PLPP3: variants seen among roughly 807,000 people sequenced by gnomAD.
PLPP3 encodes the protein phospholipid phosphatase 3.
In PLPP3, 6 loss-of-function variants were observed where a neutral mutation model predicts 29.6. The observed-to-expected ratio is 0.20, with a 90% CI of 0.11 to 0.40. PLPP3 has a LOEUF of 0.40. PLPP3 is among the 10% of genes least tolerant of loss of function. The pLI is 1.00. For missense variants in PLPP3, 308 were observed against 407.7 expected (o/e 0.76, Z 2.11); for synonymous variants, 152 against 159.7 (o/e 0.95, Z 0.36).
At chr1:56,531,835 C>T (rs941625833) in intron 2 of PLPP3, among the ~76,000 whole-genome samples, 5 of 152,138 alleles carry the variant, frequency 3.3e-5, no homozygotes, top group African/African-American at 1.2e-4. Context: ...TAATAGCAAC[C>T]TCACATAGCT....
At chr1:56,537,231 A>C in intron 1 of PLPP3, 119 bp from the exon 2 acceptor site, 4 of 1,138,284 alleles carry the variant, frequency 3.5e-6, no homozygotes, top group Non-Finnish European at 3.7e-6. Flanking sequence ...TGAGAGTGAT[A>C]ATCGTTCCTT....
At chr1:56,507,914 T>C (rs1241702926) in intron 5 of PLPP3, among the ~76,000 whole-genome samples, 2 of 151,948 alleles carry the variant, frequency 1.3e-5, no homozygotes, top group Non-Finnish European at 2.9e-5. Context: ...AAGTGGAGAA[T>C]GGGGCCATGA....
chr1:56,578,810 G>T, intron 1 of PLPP3, 68 bp downstream of exon 1: 1 of 1,410,638 alleles, frequency 7.1e-7, no homozygotes, highest in African/African-American at 1.5e-5. Flanking sequence ...CGCGGCCCCG[G>T]ACTGGGCTGG....
In PLPP3 at chr1:56,524,164, T is replaced by C. The variant is rs1398132108; in HGVS notation, c.575+113A>G. 24 of 1,289,250 alleles carry C rather than the reference T, an allele frequency of 1.9e-5. No homozygotes were observed. Among genetic ancestry groups the C allele is most frequent in the East Asian group, 2.3e-5 (1 of 42,736 alleles). The allele number at this position is 1,289,250 out of a possible 1,614,324, so 79.9% of individuals were successfully genotyped here. ...CATCTGACTGTGAGTTCCTCAAGAA[T>C]AGGAACTATGCCTTATTCACCCATC... is the stretch of plus-strand genomic sequence containing the variant. On this transcript the variant is annotated intron_variant, in intron 3 of 5. Coordinates refer to ENST00000371250, the MANE Select transcript of PLPP3 (RefSeq NM_003713.5). The surrounding 1 kb of genome is among the most constrained non-coding windows in gnomAD (Gnocchi z 4.3).
chr1:56,519,609 A>G (rs1011661688), intron 4 of PLPP3, among the ~76,000 whole-genome samples: 3 of 152,078 alleles, frequency 2.0e-5, no homozygotes, highest in Non-Finnish European at 4.4e-5. Flanking sequence ...CCTGGTGTTG[A>G]CATTTTATCC....
chr1:56,573,720 GT>G (rs1217522852), intron 1 of PLPP3, among the ~76,000 whole-genome samples: 4 of 152,164 alleles, frequency 2.6e-5, no homozygotes, highest in Non-Finnish European at 5.9e-5. Flanking sequence ...CTCACATAAC[GT>G]GTACTGGATT....
At chr1:56,499,847 A>T (rs1645655511) in intron 5 of PLPP3, among the ~76,000 whole-genome samples, 1 of 152,210 alleles carries the variant, frequency 6.6e-6, no homozygotes, top group African/African-American at 2.4e-5. Context: ...TTCCTACAGA[A>T]GATGATCTCC....
intron 2 of PLPP3, among the ~76,000 whole-genome samples, chr1:56,531,050 T>C (rs1645884381): frequency 6.6e-6 from 1 of 152,174 alleles, no homozygotes; most frequent in Admixed American, 6.5e-5. Flanking sequence ...TCAGTTTCCT[T>C]ATCTCTAAAA....
chr1:56,532,057 A>G (rs574625325), intron 2 of PLPP3, among the ~76,000 whole-genome samples: 1 of 152,304 alleles, frequency 6.6e-6, no homozygotes, highest in South Asian at 2.1e-4. Flanking sequence ...GCTGTACCTA[A>G]CTAAGGAAGA....
Position 56,557,026 on chromosome 1 carries a change from A to AGAGAGAAAGAAAG in PLPP3, c.140-19915_140-19914insCTTTCTTTCTCTC, listed in dbSNP as rs1646085318. 4.4e-3 allele frequency among the ~76,000 whole-genome samples: 42 copies of AGAGAGAAAGAAAG among 9,528 alleles called. 12 individuals are homozygous for AGAGAGAAAGAAAG. The highest frequency in any genetic ancestry group is 0.01 in the African/African-American group (41 of 4,032). 6.3% of individuals were successfully genotyped at this position (9,528 alleles called of 152,430 possible). ...AGAAAGAAAGAGAGAGAGAGAGAGA[A>AGAGAGAAAGAAAG]AGAGAGAGAGAGAGAGAGAGAGAGA... On this transcript the variant is annotated intron_variant, in intron 1 of 5. Transcript: ENST00000371250.
intron 1 of PLPP3, among the ~76,000 whole-genome samples, chr1:56,573,447 G>T (rs1019066931): frequency 6.6e-6 from 1 of 152,176 alleles, no homozygotes; most frequent in East Asian, 1.9e-4. Flanking sequence ...AACATTCAGT[G>T]CAGGGACAAA....
At chr1:56,515,434 G>T (rs148311490) in intron 4 of PLPP3, among the ~76,000 whole-genome samples, 1 of 152,086 alleles carries the variant, frequency 6.6e-6, no homozygotes, top group African/African-American at 2.4e-5. Flanking sequence ...TTTCCCAACC[G>T]GACAAAGCCC....
chr1:56,527,872 C>T (rs769695677), intron 2 of PLPP3, among the ~76,000 whole-genome samples: 12 of 152,268 alleles, frequency 7.9e-5, no homozygotes, highest in Non-Finnish European at 1.2e-4. Context: ...ACACGTTACA[C>T]ACCTAACTCT....
chr1:56,556,361 A>G (rs1646076564), intron 1 of PLPP3, among the ~76,000 whole-genome samples: 2 of 152,232 alleles, frequency 1.3e-5, no homozygotes, highest in Admixed American at 6.5e-5. Context: ...AATGATGTTA[A>G]AGGGTCATTG....
chr1:56,517,781 G>A (rs1341324608), intron 4 of PLPP3, among the ~76,000 whole-genome samples: 2 of 152,208 alleles, frequency 1.3e-5, no homozygotes, highest in Admixed American at 1.3e-4. Flanking sequence ...ACAACCTCCA[G>A]GGGACATTTA....
At chr1:56,560,831 CCT>C (rs1491434814) in intron 1 of PLPP3, among the ~76,000 whole-genome samples, 2 of 135,720 alleles carry the variant, frequency 1.5e-5, no homozygotes, top group Non-Finnish European at 3.1e-5. Flanking sequence ...CATTCAGAGT[CCT>C]TTTTTTTTTT....
intron 1 of PLPP3, 109 bp from the exon 2 acceptor site, chr1:56,537,221 T>A: frequency 8.3e-7 from 1 of 1,210,208 alleles, no homozygotes; most frequent in Non-Finnish European, 1.2e-6. Context: ...CAAATATCAC[T>A]GAGAGTGATA....
Position 56,496,339 on chromosome 1 carries a change from T to C in PLPP3, c.*212A>G. 2.0e-6 allele frequency: 1 copy of C among 494,376 alleles called. No homozygotes were observed. The highest frequency in any genetic ancestry group is 3.8e-5 in the East Asian group (1 of 26,476). The allele number at this position is 494,376 out of a possible 1,614,324, so 30.6% of individuals were successfully genotyped here. On this transcript the variant is annotated 3_prime_UTR_variant, in exon 6 of 6. Transcript: ENST00000371250. ...CTTAAACCAATTGCACATCCAGGAC[T>C]CTGGCACTTGGTGTTAGTTTGCTGT...
At chr1:56,552,052 G>A (rs1222912041) in intron 1 of PLPP3, among the ~76,000 whole-genome samples, 1 of 152,068 alleles carries the variant, frequency 6.6e-6, no homozygotes, top group East Asian at 1.9e-4. Flanking sequence ...TGACTGTTCC[G>A]GATATGTTCT....
Sources: gnomAD v4.1 joint callset for allele counts (sites outside exome capture counted in the v4.1 genomes callset) on GRCh38, gnomAD v4.1.1 for gene constraint, Gnocchi (gnomAD v3.1) non-coding constraint, MANE v1.5 for transcripts, NCBI Gene and HGNC (gene_info 2026-07-23, HGNC 2026-07-21) for gene names.